Variants in RFNG observed in about 807,000 individuals in gnomAD.
The protein encoded by RFNG is RFNG O-fucosylpeptide 3-beta-N-acetylglucosaminyltransferase, also known as beta-1,3-N-acetylglucosaminyltransferase radical fringe.
Under a neutral mutation model 29.6 loss-of-function variants are expected in RFNG, and 37 were observed. That is an observed-to-expected ratio of 1.25 (90% confidence interval 0.96 to 1.65). The LOEUF (loss-of-function observed/expected upper bound fraction) is 1.65, where lower values mean the gene tolerates loss of function less well. Ranked by LOEUF, RFNG falls within the 40% of genes most tolerant of loss-of-function variation. The pLI, the probability that RFNG is intolerant of heterozygous loss-of-function variation, is 0.00. For synonymous variants in RFNG, 276 were observed against 197.3 expected, an observed-to-expected ratio of 1.40 and a Z score of -3.34; for missense variants, 546 against 457.0, an observed-to-expected ratio of 1.19 and a Z score of -1.78.
rs2030383944 is a variant in RFNG, at chr17:82,050,695, A to G, written c.386T>C (p.Val129Ala). 6.2e-7 allele frequency: 1 copy of G among 1,613,164 alleles called. No individual in the cohort carries two copies. The highest frequency in any genetic ancestry group is 1.7e-5 in the Admixed American group (1 of 60,024). ...GGACTCAATGAACTTGTCATACTCC[A>G]CGGACATCTTGCAGCAGAGGGCCTG... is the stretch of plus-strand genomic sequence containing the variant. The part of the protein sequence containing the change: ...TRQALCCKMS[V>A]EYDKFIESGR... The change falls in exon 3 of 8, where the codon GTG (valine) becomes GCG (alanine). Residue 129 changes from valine (V) to alanine (A), a missense_variant. Coordinates refer to ENST00000310496, the MANE Select transcript of RFNG (RefSeq NM_002917.2).
At chr17:82,050,142 A>G (rs9893491) in intron 4 of RFNG, 136 bp from the exon 5 acceptor site, 552,479 of 873,828 alleles carry the variant, frequency 0.63, 178,261 homozygotes, top group Non-Finnish European at 0.66. Flanking sequence ...CTTGGAGCAA[A>G]AAGAGCCGGG....
In RFNG at chr17:82,050,735, C is replaced by T; in HGVS notation, c.346G>A (p.Ala116Thr). The T allele has an allele frequency of 6.2e-7, 1 of 1,613,166 alleles. No homozygotes were observed. Among genetic ancestry groups the T allele is most frequent in the Non-Finnish European group, 8.5e-7 (1 of 1,179,954 alleles). The change falls in exon 3 of 8, where the codon GCG (alanine) becomes ACG (threonine). Residue 116 changes from alanine (A) to threonine (T), a missense_variant. Physicochemically the swap from Ala to Thr is moderately conservative, Grantham distance 58. Transcript: ENST00000310496. ...CAGAGGGCCTGACGAGTGCGCACCG[C>T]CGAGCAGTTGGTGTTGATGACACGG... Reference protein sequence around the residue: ...GDRVINTNCSAVRTRQALCCK... With the variant: ...GDRVINTNCSTVRTRQALCCK...
At position 82,051,549 on chromosome 17, in the gene RFNG, G is replaced by T. The variant is rs1448340494; in HGVS notation, c.218C>A (p.Pro73Gln). 8 of 1,398,272 alleles carry T rather than the reference G, an allele frequency of 5.7e-6. No individual in the cohort carries two copies. The South Asian group carries it at 1.2e-4, about 21-fold the overall frequency. The allele number at this position is 1,398,272 out of a possible 1,614,324, so 86.6% of individuals were successfully genotyped here. Residue 73 changes from proline to glutamine, a missense_variant, in exon 1 of 8, where the codon CCG (proline) becomes CAG (glutamine). Pro to Gln is a moderately conservative substitution (Grantham distance 76, BLOSUM62 -1). Coordinates refer to ENST00000310496, the MANE Select transcript of RFNG (RefSeq NM_002917.2). This position sits in a 1 kb window ranked among gnomAD's most constrained non-coding sequence, Gnocchi z 4.1. ...AVKTTRKNHG[P>Q]RLRLLLRTWI... ...GGTGCGCAGCAGCAGCCGCAGGCGC[G>T]GCCCGTGGTTCTTCCGGGTGGTCTT...
rs1309846308 is a variant in RFNG at position 82,051,677 on chromosome 17, GGGCAGC to G, written c.84_89del (p.Leu29_Pro30del). 24 of 1,001,802 alleles carry G rather than the reference GGGCAGC, an allele frequency of 2.4e-5. No individual in the cohort carries two copies. Among genetic ancestry groups the G allele is most frequent in the Middle Eastern group, 4.9e-4 (1 of 2,038 alleles). 62.1% of individuals were successfully genotyped at this position (1,001,802 alleles called of 1,614,324 possible). Reference sequence around the variant, plus strand: ...GGGTCCGGGCCGGGGCGGGCGCGCGGGGCAGCGGCAGCGGCAGTAACAGCAGCGCGG... The same window carrying G: ...GGGTCCGGGCCGGGGCGGGCGCGCGGGGCAGCGGCAGTAACAGCAGCGCGG... On this transcript the variant is annotated inframe_deletion, in exon 1 of 8. Transcript: ENST00000310496. This position sits in a 1 kb window ranked among gnomAD's most constrained non-coding sequence, Gnocchi z 4.1.
At chr17:82,050,799 G>T in intron 2 of RFNG, 35 bp from the exon 3 acceptor site, 1 of 1,601,222 alleles carries the variant, frequency 6.2e-7, no homozygotes, top group Non-Finnish European at 8.5e-7. Flanking sequence ...GCACGTAGAG[G>T]ATGGCACTGG....
chr17:82,048,618 C>A lies in RFNG; in HGVS notation c.*108G>T. On this transcript the variant is annotated 3_prime_UTR_variant, in exon 8 of 8. Coordinates refer to ENST00000310496, the MANE Select transcript of RFNG (RefSeq NM_002917.2). ...CAGAGGGTCTGCCAGGTGCCTGCAT[C>A]TCACTGGTGTGGCCGTGGCACCTGA... is the stretch of plus-strand genomic sequence containing the variant. The A allele has an allele frequency of 1.2e-6, 1 of 866,764 alleles. No homozygotes were observed. The highest frequency in any genetic ancestry group is 1.4e-5 in the South Asian group (1 of 73,798). The allele number at this position is 866,764 out of a possible 1,614,324, so 53.7% of individuals were successfully genotyped here. A position where few individuals can be genotyped will look rare whatever the true frequency, so the allele number is the denominator to read the frequency against.
In RFNG at chr17:82,050,758, C is replaced by G. The variant is rs756341641; in HGVS notation, c.323G>C (p.Arg108Pro). Reference sequence around the variant, plus strand: ...CGCCGAGCAGTTGGTGTTGATGACACGGTCGCCTGCGAATCAGAGACGGGA... The same window carrying G: ...CGCCGAGCAGTTGGTGTTGATGACAGGGTCGCCTGCGAATCAGAGACGGGA... ...DPELELQGGD[R>P]VINTNCSAVR... The change falls in exon 3 of 8, where the codon CGT becomes CCT. Residue 108 changes from arginine to proline, a missense_variant. By Grantham distance (103) the Arg-to-Pro change is moderately radical. Transcript: ENST00000310496. 1 of 1,612,666 alleles carries G rather than the reference C, an allele frequency of 6.2e-7. No homozygotes were observed. The highest frequency in any genetic ancestry group is 8.5e-7 in the Non-Finnish European group (1 of 1,179,824).
At position 82,050,774 on chromosome 17, in the gene RFNG, A is replaced by C; in HGVS notation, c.317-10T>G. ...TTGATGACACGGTCGCCTGCGAATC[A>C]GAGACGGGAAGCACGCACGTAGAGG... is the stretch of plus-strand genomic sequence containing the variant. On this transcript the variant is annotated splice_polypyrimidine_tract_variant and intron_variant, in intron 2 of 7. Transcript: ENST00000310496. The C allele has an allele frequency of 6.2e-7, 1 of 1,611,950 alleles. No individual in the cohort carries two copies. Among genetic ancestry groups the C allele is most frequent in the African/African-American group, 1.3e-5 (1 of 75,062 alleles).
Position 82,050,569 on chromosome 17 carries a change from G to T in RFNG, c.420-14C>A, listed in dbSNP as rs375560384. On this transcript the variant is annotated splice_polypyrimidine_tract_variant and intron_variant, in intron 3 of 7. Transcript: ENST00000310496. ...TGGCAAAACCACCTGTGGGCGAGGG[G>T]AGTCCTGGGCACGAGGGCCTGGCAT... 4.7e-4 allele frequency: 760 copies of T among 1,609,986 alleles called. No homozygotes were observed. Among genetic ancestry groups the T allele is most frequent in the Non-Finnish European group, 6.2e-4 (729 of 1,177,748 alleles).
Position 82,048,799 on chromosome 17 carries a change from G to C in RFNG, c.923C>G (p.Ser308Cys). ...SLHQDPTRFK[S>C]IHCLLYPDTD... ...GTCTGGGTACAGAAGACAATGGATA[G>C]ACTTAAACCTGGGGAAGGAAGAAGT... The change falls in exon 8 of 8, where the codon TCT becomes TGT. Residue 308 changes from serine (S) to cysteine (C), a missense_variant. Coordinates refer to ENST00000310496, the MANE Select transcript of RFNG (RefSeq NM_002917.2). 1 of 1,612,974 alleles carries C rather than the reference G, an allele frequency of 6.2e-7. No homozygotes were observed. Among genetic ancestry groups the C allele is most frequent in the South Asian group, 1.1e-5 (1 of 91,076 alleles).
chr17:82,048,536 A>C lies in RFNG; in HGVS notation c.*190T>G. On this transcript the variant is annotated 3_prime_UTR_variant, in exon 8 of 8. Transcript: ENST00000310496. ...TCAGCCTGGCTGTCTTCGTTCTCCC[A>C]AAACACCCATCACCGCAGCCCACCA... The C allele has an allele frequency of 3.3e-6, 2 of 602,944 alleles. No homozygotes were observed. Among genetic ancestry groups the C allele is most frequent in the Non-Finnish European group, 5.9e-6 (2 of 337,918 alleles). The allele number at this position is 602,944 out of a possible 1,614,324, so 37.3% of individuals were successfully genotyped here. A position where few individuals can be genotyped will look rare whatever the true frequency, so the allele number is the denominator to read the frequency against.
intron 6 of RFNG, chr17:82,049,431 A>G (rs11653935): frequency 0.49 from 345,258 of 703,080 alleles, 89,360 homozygotes; most frequent in Non-Finnish European, 0.56. Context: ...CCCAGCTGGC[A>G]TGGGGCCTCA....
At position 82,050,748 on chromosome 17, in the gene RFNG, G is replaced by A. The variant is rs1486235454; in HGVS notation, c.333C>T (p.Asn111=). 4.3e-6 allele frequency: 7 copies of A among 1,613,096 alleles called. No individual in the cohort carries two copies. Among genetic ancestry groups the A allele is most frequent in the South Asian group, 1.1e-5 (1 of 91,092 alleles). The change falls in exon 3 of 8, where the codon AAC becomes AAT. Residue 111 remains asparagine, a synonymous_variant. Coordinates refer to ENST00000310496, the MANE Select transcript of RFNG (RefSeq NM_002917.2). ...GAGTGCGCACCGCCGAGCAGTTGGT[G>A]TTGATGACACGGTCGCCTGCGAATC... is the stretch of plus-strand genomic sequence containing the variant. ...LELQGGDRVI[N]TNCSAVRTRQ... is the part of the protein sequence containing the mutation.
chr17:82,051,430 C>A lies in RFNG; in HGVS notation c.267+70G>T. The A allele has an allele frequency of 2.2e-6, 3 of 1,378,952 alleles. No individual in the cohort carries two copies. In the South Asian group the frequency reaches 5.4e-5, roughly 25 times the overall value. The allele number at this position is 1,378,952 out of a possible 1,614,324, so 85.4% of individuals were successfully genotyped here. ...CGCGCGGAGCCTCCGGGGGCCTGGG[C>A]CGGGCCTAGACCCTGGGAGGCGGGG... On this transcript the variant is annotated intron_variant, in intron 1 of 7. Transcript: ENST00000310496. The surrounding 1 kb of genome is among the most constrained non-coding windows in gnomAD (Gnocchi z 4.1).
Position 82,051,303 on chromosome 17 carries a change from G to A in RFNG, c.307C>T (p.Leu103Phe). Residue 103 changes from leucine (L) to phenylalanine (F), a missense_variant, in exon 2 of 8, where the codon CTC becomes TTC. Coordinates refer to ENST00000310496, the MANE Select transcript of RFNG (RefSeq NM_002917.2). This position sits in a 1 kb window ranked among gnomAD's most constrained non-coding sequence, Gnocchi z 4.1. ...AGTGGGGGACACTCACCGCCCTGGA[G>A]CTCGAGCTCAGGGTCGTCCCCGTCG... ...FTDGDDPELE[L>F]QGGDRVINTN... The A allele has an allele frequency of 7.0e-7, 1 of 1,424,032 alleles. No individual in the cohort carries two copies. The highest frequency in any genetic ancestry group is 1.5e-5 in the African/African-American group (1 of 67,042). The allele number at this position is 1,424,032 out of a possible 1,614,324, so 88.2% of individuals were successfully genotyped here.
chr17:82,049,867 T>C, intron 5 of RFNG, 25 bp from the exon 6 acceptor site: 1 of 1,611,566 alleles, frequency 6.2e-7, no homozygotes, highest in Non-Finnish European at 8.5e-7. Context: ...GTCAGCACCT[T>C]TCAGGTCTCA....
At position 82,048,626 on chromosome 17, in the gene RFNG, T is replaced by G. The variant is rs2030067810; in HGVS notation, c.*100A>C. On this transcript the variant is annotated 3_prime_UTR_variant, in exon 8 of 8. Transcript: ENST00000310496. ...CTGCCAGGTGCCTGCATCTCACTGGTGTGGCCGTGGCACCTGAGGGAGCCC... is the reference window on the plus strand; with the variant it reads ...CTGCCAGGTGCCTGCATCTCACTGGGGTGGCCGTGGCACCTGAGGGAGCCC... 2 of 913,342 alleles carry G rather than the reference T, an allele frequency of 2.2e-6. No homozygotes were observed. Among genetic ancestry groups the G allele is most frequent in the African/African-American group, 1.6e-5 (1 of 61,050 alleles). The allele number at this position is 913,342 out of a possible 1,614,324, so 56.6% of individuals were successfully genotyped here.
intron 4 of RFNG, 110 bp downstream of exon 4, chr17:82,050,292 G>A (rs2030284726): frequency 1.5e-6 from 2 of 1,306,494 alleles, no homozygotes; most frequent in Non-Finnish European, 2.1e-6. Context: ...ATCAGCTTGG[G>A]CCCCCAACCC....
Position 82,050,012 on chromosome 17 carries a change from G to A in RFNG, c.574-6C>T, listed in dbSNP as rs768374823. 42 of 1,603,044 alleles carry A rather than the reference G, an allele frequency of 2.6e-5. No individual in the cohort carries two copies. Among genetic ancestry groups the A allele is most frequent in the African/African-American group, 1.3e-4 (10 of 74,590 alleles). ...CAGAACTTGACCGTGGTCACCTGAA[G>A]ATGGGGTGGTGGTCAGAGCTGCCCA... On this transcript the variant is annotated splice_region_variant and splice_polypyrimidine_tract_variant and intron_variant, in intron 4 of 7. Coordinates refer to ENST00000310496, the MANE Select transcript of RFNG (RefSeq NM_002917.2).
Sources: allele counts gnomAD v4.1 joint callset, GRCh38; gene constraint gnomAD v4.1.1; non-coding constraint Gnocchi (gnomAD v3.1); transcripts MANE v1.5; gene names NCBI Gene and HGNC (gene_info 2026-07-23, HGNC 2026-07-21).